C11orf65: variants seen among roughly 807,000 people sequenced by gnomAD.
The protein encoded by C11orf65 is chromosome 11 open reading frame 65, also known as protein MFI.
Under a neutral mutation model 35.3 loss-of-function variants are expected in C11orf65, and 38 were observed. The observed-to-expected ratio is 1.08, with a 90% CI of 0.83 to 1.41. The LOEUF is 1.41. Ranked by LOEUF, C11orf65 falls within the 40% of genes most tolerant of loss-of-function variation. C11orf65 has a pLI of 0.00. For missense variants in C11orf65, 370 were observed against 367.1 expected (o/e 1.01, Z -0.06); for synonymous variants, 105 against 114.4 (o/e 0.92, Z 0.53).
intron 2 of C11orf65, among the ~76,000 whole-genome samples, chr11:108,351,500 T>C (rs1256149289): frequency 6.6e-6 from 1 of 152,248 alleles, no homozygotes; most frequent in Admixed American, 6.5e-5. Flanking sequence ...TGGACAGTTT[T>C]CACTTAGGAT....
chr11:108,367,177 C>T (rs934475897), intron 2 of C11orf65: 8 of 177,406 alleles, frequency 4.5e-5, no homozygotes, highest in Admixed American at 1.9e-4. Context: ...TTATTAGAGA[C>T]GGAGTTTCAC....
At chr11:108,370,849 A>G (rs531530471) in intron 2 of C11orf65, among the ~76,000 whole-genome samples, 3 of 152,204 alleles carry the variant, frequency 2.0e-5, no homozygotes, top group South Asian at 2.1e-4. Context: ...CATTTTATCT[A>G]TTGCTTTATT....
intron 2 of C11orf65, among the ~76,000 whole-genome samples, chr11:108,437,707 T>TAAAAAAAAAAAAAAAA (rs145337876): frequency 5.0e-4 from 19 of 38,030 alleles, no homozygotes; most frequent in Non-Finnish European, 6.1e-4. Context: ...GACTCAGTCT[T>TAAAAAAAAAAAAAAAA]AAAAAAAAAA....
chr11:108,440,982 T>C (rs1215208561), intron 2 of C11orf65, among the ~76,000 whole-genome samples: 6 of 152,222 alleles, frequency 3.9e-5, no homozygotes, highest in Non-Finnish European at 8.8e-5. Context: ...TGTCAGACAG[T>C]GGGTGCAGCC....
In C11orf65 at chr11:108,365,181, C is replaced by A. The variant is rs747445236; in HGVS notation, c.226+28027G>T. ...AGATGAAACTGAGCTTCACCCTACT[C>A]TGAATGCAGATGACCAAGAATGCAA... On this transcript the variant is annotated intron_variant, in intron 2 of 3. Coordinates refer to the C11orf65 transcript ENST00000524755. The A allele has an allele frequency of 6.2e-7, 1 of 1,614,116 alleles. No homozygotes were observed. Among genetic ancestry groups the A allele is most frequent in the African/African-American group, 1.3e-5 (1 of 74,948 alleles).
At chr11:108,371,288 T>C (rs2091567773) in intron 2 of C11orf65, among the ~76,000 whole-genome samples, 1 of 152,168 alleles carries the variant, frequency 6.6e-6, no homozygotes, top group Admixed American at 6.5e-5. Flanking sequence ...TACGGTTCAG[T>C]AGCGATAAAA....
intron 2 of C11orf65, among the ~76,000 whole-genome samples, chr11:108,453,115 T>A (rs1474104157): frequency 5.6e-4 from 1 of 1,774 alleles, no homozygotes; most frequent in African/African-American, 7.0e-4. Flanking sequence ...AACCTGCACG[T>A]TGTGCATGTA....
At chr11:108,398,474 T>C (rs1175951910) in intron 6 of C11orf65, among the ~76,000 whole-genome samples, 2 of 152,240 alleles carry the variant, frequency 1.3e-5, no homozygotes, top group Non-Finnish European at 2.9e-5. Context: ...AATTCAGTTT[T>C]GGAACTGTTG....
chr11:108,393,198 A>T lies in C11orf65; in HGVS notation c.731+10T>A, dbSNP rs141076745. On this transcript the variant is annotated intron_variant, in intron 7 of 8. Coordinates refer to ENST00000393084, the MANE Select transcript of C11orf65 (RefSeq NM_152587.5). ...GCCCTTGTTCCCCAAGAATAGCAAC[A>T]TGTACTTACTCATCAAAGTTCAGTG... The T allele has an allele frequency of 1.2e-6, 2 of 1,611,796 alleles. No homozygotes were observed. The highest frequency in any genetic ancestry group is 3.3e-5 in the Admixed American group (2 of 59,972).
At chr11:108,427,652 G>GC (rs888182090) in intron 3 of C11orf65, among the ~76,000 whole-genome samples, 12 of 138,270 alleles carry the variant, frequency 8.7e-5, no homozygotes, top group African/African-American at 2.9e-4. Flanking sequence ...AACCCGGGAG[G>GC]CGGAGCTTGC....
intron 1 of C11orf65, among the ~76,000 whole-genome samples, chr11:108,462,834 T>C (rs144068343): frequency 6.3e-4 from 96 of 152,308 alleles, no homozygotes; most frequent in African/African-American, 2.2e-3. Flanking sequence ...AGCTTAAAAT[T>C]CTGGGCTGAA....
chr11:108,439,931 T>C (rs1433856287), intron 2 of C11orf65, among the ~76,000 whole-genome samples: 1 of 152,194 alleles, frequency 6.6e-6, no homozygotes, highest in Non-Finnish European at 1.5e-5. Context: ...AATTGAGTTA[T>C]ACACCTAAAA....
intron 2 of C11orf65, among the ~76,000 whole-genome samples, chr11:108,449,019 G>C (rs949468187): frequency 9.5e-4 from 145 of 152,228 alleles, no homozygotes; most frequent in African/African-American, 3.3e-3. Flanking sequence ...AATCATGAGT[G>C]AACTCCCATT....
At chr11:108,338,418 G>A (rs1275969099) in intron 2 of C11orf65, among the ~76,000 whole-genome samples, 1 of 152,144 alleles carries the variant, frequency 6.6e-6, no homozygotes, top group East Asian at 1.9e-4. Context: ...ACTTTGAGAG[G>A]CCAAGGCAGG....
chr11:108,455,438 C>T (rs1425559514), intron 2 of C11orf65, among the ~76,000 whole-genome samples: 1 of 151,962 alleles, frequency 6.6e-6, no homozygotes, highest in African/African-American at 2.4e-5. Flanking sequence ...TTTCTATAAA[C>T]CAAAGATAGA....
At chr11:108,393,959 A>C (rs1421316033) in intron 6 of C11orf65, among the ~76,000 whole-genome samples, 1 of 152,154 alleles carries the variant, frequency 6.6e-6, no homozygotes, top group African/African-American at 2.4e-5. Flanking sequence ...ACATGGGTGG[A>C]TCACGAAGTC....
intron 2 of C11orf65, among the ~76,000 whole-genome samples, chr11:108,448,533 A>G (rs535415662): frequency 2.0e-5 from 3 of 152,266 alleles, no homozygotes; most frequent in African/African-American, 7.2e-5. Context: ...AAGACAAAAA[A>G]CACATGATTA....
chr11:108,368,083 T>C (rs983386242), intron 2 of C11orf65: 7 of 208,814 alleles, frequency 3.4e-5, no homozygotes, highest in Non-Finnish European at 2.9e-5. Context: ...TTGCATGGTA[T>C]GCTATGAGGC....
intron 6 of C11orf65, among the ~76,000 whole-genome samples, chr11:108,322,343 G>A (rs991357580): frequency 6.6e-6 from 1 of 152,002 alleles, no homozygotes; most frequent in African/African-American, 2.4e-5. Flanking sequence ...TAATAGAGAC[G>A]GGGTTTCGCC....
Sources: gnomAD v4.1 joint callset for allele counts (sites outside exome capture counted in the v4.1 genomes callset) on GRCh38, gnomAD v4.1.1 for gene constraint, MANE v1.5 for transcripts, NCBI Gene and HGNC (gene_info 2026-07-23, HGNC 2026-07-21) for gene names.